The following TNS3 variants were observed in gnomAD, a reference collection of about 807,000 sequenced individuals.
The protein encoded by TNS3 is tensin-3.
Under a neutral mutation model 140.9 loss-of-function variants are expected in TNS3, and 45 were observed. The ratio of observed to expected loss-of-function variants is 0.32; its 90% CI spans 0.25 to 0.41. TNS3 has a LOEUF of 0.41. Among genes scored for constraint, TNS3 ranks in the 10% least tolerant of loss-of-function variants. TNS3 has a pLI of 1.00. For synonymous variants in TNS3, 815 were observed against 788.4 expected (o/e 1.03, Z -0.56); for missense variants, 1,716 against 1,906.7 (o/e 0.90, Z 1.86).
intron 3 of TNS3, among the ~76,000 whole-genome samples, chr7:47,485,304 A>C (rs1249369002): frequency 6.6e-6 from 1 of 152,224 alleles, no homozygotes; most frequent in Non-Finnish European, 1.5e-5. Context: ...GATAAACACG[A>C]AACAGTGCCC....
chr7:47,380,463 C>A (rs1791686445), intron 16 of TNS3, among the ~76,000 whole-genome samples: 1 of 152,238 alleles, frequency 6.6e-6, no homozygotes, highest in South Asian at 2.1e-4. Context: ...ACTGACTCTT[C>A]CCCAAAAAGA....
chr7:47,557,947 G>A (rs895847845), intron 1 of TNS3, among the ~76,000 whole-genome samples: 2 of 152,210 alleles, frequency 1.3e-5, no homozygotes, highest in African/African-American at 2.4e-5. Context: ...TGCGTAGAAG[G>A]CCTGCGGTGA....
chr7:47,286,118 G>T (rs1211023525), intron 27 of TNS3, among the ~76,000 whole-genome samples: 2 of 152,110 alleles, frequency 1.3e-5, no homozygotes, highest in African/African-American at 4.8e-5. Context: ...GAGAAAAAAG[G>T]GAAAATTTTG....
At chr7:47,439,222 C>G (rs1795339263) in intron 6 of TNS3, among the ~76,000 whole-genome samples, 1 of 152,200 alleles carries the variant, frequency 6.6e-6, no homozygotes, top group Non-Finnish European at 1.5e-5. Flanking sequence ...GGGAGCCAGC[C>G]TCACTGATGA....
At chr7:47,463,892 A>G (rs1796593412) in intron 4 of TNS3, among the ~76,000 whole-genome samples, 1 of 152,222 alleles carries the variant, frequency 6.6e-6, no homozygotes, top group African/African-American at 2.4e-5. Context: ...AAAATCAACT[A>G]TAATTTAATC....
chr7:47,392,484 G>T (rs1242867819), intron 16 of TNS3, among the ~76,000 whole-genome samples: 1 of 152,154 alleles, frequency 6.6e-6, no homozygotes, highest in African/African-American at 2.4e-5. Flanking sequence ...GGCGGCGGGG[G>T]GATAGAAAAG....
chr7:47,444,845 G>A (rs115590547), intron 4 of TNS3, among the ~76,000 whole-genome samples: 1 of 152,260 alleles, frequency 6.6e-6, no homozygotes, highest in East Asian at 1.9e-4. Flanking sequence ...CTAAGGTCAA[G>A]GCCAATGGAG....
intron 1 of TNS3, among the ~76,000 whole-genome samples, chr7:47,535,997 C>A (rs1799584387): frequency 6.6e-6 from 1 of 152,196 alleles, no homozygotes; most frequent in Admixed American, 6.5e-5. Context: ...AGACACTGAT[C>A]AAAAACACAT....
intron 23 of TNS3, among the ~76,000 whole-genome samples, chr7:47,298,527 T>G (rs1349592963): frequency 6.6e-6 from 1 of 152,232 alleles, no homozygotes; most frequent in Non-Finnish European, 1.5e-5. Flanking sequence ...AGACATTTAC[T>G]CTTTATTTTA....
rs541920189 is a variant in TNS3, at chr7:47,563,491, A to C, written c.-265+18560T>G. Among the ~76,000 whole-genome samples, 8 of 152,302 alleles carry C rather than the reference A, an allele frequency of 5.3e-5. No homozygotes were observed. The East Asian group carries it at 1.5e-3, about 29-fold the overall frequency. ...GACTCACTAGCAAGACTGAGTGCCC[A>C]ACCTCTGAAGCCAGGATGCTCATTC... On this transcript the variant is annotated intron_variant, in intron 1 of 30. Coordinates refer to ENST00000311160, the MANE Select transcript of TNS3 (RefSeq NM_022748.12).
intron 3 of TNS3, among the ~76,000 whole-genome samples, chr7:47,488,554 A>G (rs1157882013): frequency 1.3e-5 from 2 of 152,186 alleles, no homozygotes; most frequent in Non-Finnish European, 2.9e-5. Flanking sequence ...TTCTAAGGAC[A>G]CCAGTCATAC....
Position 47,414,697 on chromosome 7 carries a change from T to C in TNS3, c.586+397A>G, listed in dbSNP as rs114426498. Among the ~76,000 whole-genome samples, 960 of 152,172 alleles carry C rather than the reference T, an allele frequency of 6.3e-3. 5 individuals carry two copies. Among genetic ancestry groups the C allele is most frequent in the African/African-American group, 0.021 (891 of 41,524 alleles). On this transcript the variant is annotated intron_variant, in intron 11 of 30. Transcript: ENST00000311160. ...TTTTAAAGGAGGAGGAGGAGATGGG[T>C]TCATGAGATGCGTCAGGGGAGACTG...
At chr7:47,440,032 T>C (rs1584664813) in intron 5 of TNS3, among the ~76,000 whole-genome samples, 1 of 152,194 alleles carries the variant, frequency 6.6e-6, no homozygotes, top group Non-Finnish European at 1.5e-5. Flanking sequence ...GCGGGACTCC[T>C]GGAGTGGGAG....
chr7:47,552,460 T>C (rs1196625575), intron 1 of TNS3, among the ~76,000 whole-genome samples: 2 of 152,210 alleles, frequency 1.3e-5, no homozygotes, highest in Non-Finnish European at 2.9e-5. Context: ...CCCACGTCAG[T>C]GCCATTTTCC....
chr7:47,412,764 G>A (rs1424184547), intron 12 of TNS3, among the ~76,000 whole-genome samples: 1 of 152,042 alleles, frequency 6.6e-6, no homozygotes, highest in Non-Finnish European at 1.5e-5. Context: ...AGAAAATATT[G>A]TGGGAAATAA....
Position 47,304,969 on chromosome 7 carries a change from A to G in TNS3, c.2685T>C (p.Ala895=). 1 of 1,397,662 alleles carries G rather than the reference A, an allele frequency of 7.2e-7. No homozygotes were observed. Among genetic ancestry groups the G allele is most frequent in the South Asian group, 1.8e-5 (1 of 55,076 alleles). 86.6% of individuals were successfully genotyped at this position (1,397,662 alleles called of 1,614,324 possible). A position where few individuals can be genotyped will look rare whatever the true frequency, so the allele number is the denominator to read the frequency against. The stretch of plus-strand genomic sequence containing the variant: ...CGATGGGGCTCTCTGACATCCCCAC[A>G]GCGTGAGTGAGCGTCTCAGGGCAGC... ...PRSCPETLTH[A]VGMSESPIGP... is the part of the protein sequence containing the mutation. The change falls in exon 21 of 31, where the codon GCT becomes GCC. Residue 895 remains alanine (A), a synonymous_variant. Transcript: ENST00000311160.
intron 5 of TNS3, among the ~76,000 whole-genome samples, chr7:47,441,232 G>A (rs1795450795): frequency 6.6e-6 from 1 of 152,104 alleles, no homozygotes; most frequent in Non-Finnish European, 1.5e-5. Context: ...AGGCTGGAAT[G>A]CAGTGGCGCA....
chr7:47,340,116 T>TATATATATATA (rs1491157255), intron 20 of TNS3, among the ~76,000 whole-genome samples: 32 of 16,436 alleles, frequency 1.9e-3, no homozygotes, highest in Non-Finnish European at 2.7e-3. Context: ...TATATATATA[T>TATATATATATA]TTTTTTTTTT....
chr7:47,289,004 C>CA (rs1181614019), intron 27 of TNS3, among the ~76,000 whole-genome samples: 1 of 152,182 alleles, frequency 6.6e-6, no homozygotes, highest in African/African-American at 2.4e-5. Context: ...AAGCTATTTT[C>CA]ACCTTTGTTT....
Sources: gnomAD v4.1 joint callset for allele counts (sites outside exome capture counted in the v4.1 genomes callset) on GRCh38, gnomAD v4.1.1 for gene constraint, MANE v1.5 for transcripts, NCBI Gene and HGNC (gene_info 2026-07-23, HGNC 2026-07-21) for gene names.